The following SLC8A1 variants were observed in gnomAD, a reference collection of about 807,000 sequenced individuals.
SLC8A1 encodes the protein sodium/calcium exchanger 1.
A neutral mutation model predicts 68.3 loss-of-function variants in SLC8A1; 18 were observed. The ratio of observed to expected loss-of-function variants is 0.26; its 90% CI spans 0.18 to 0.39. The LOEUF (loss-of-function observed/expected upper bound fraction) is 0.39, where lower values mean the gene tolerates loss of function less well. Among genes scored for constraint, SLC8A1 ranks in the 10% least tolerant of loss-of-function variants. The probability of loss-of-function intolerance (pLI) is 1.00; values close to 1 mark genes in which losing one functional copy is unlikely to be tolerated. For synonymous variants in SLC8A1, 475 were observed against 415.5 expected, an observed-to-expected ratio of 1.14 and a Z score of -1.74; for missense variants, 985 against 1,156.7, an observed-to-expected ratio of 0.85 and a Z score of 2.15.
At chr2:40,463,732 G>A (rs113770295) in intron 1 of SLC8A1, among the ~76,000 whole-genome samples, 1,755 of 151,768 alleles carry the variant, frequency 0.012, 20 homozygotes, top group Non-Finnish European at 0.019. Context: ...GTGGAATCTT[G>A]TTCTTTTTTT....
chr2:40,477,662 T>C (rs577130744), intron 1 of SLC8A1, among the ~76,000 whole-genome samples: 1 of 152,302 alleles, frequency 6.6e-6, no homozygotes, highest in East Asian at 1.9e-4. Flanking sequence ...TGAGTAATTT[T>C]CCTTTAAGTT....
intron 2 of SLC8A1, among the ~76,000 whole-genome samples, chr2:40,289,418 A>G (rs2068891155): frequency 6.6e-6 from 1 of 152,176 alleles, no homozygotes; most frequent in Non-Finnish European, 1.5e-5. Flanking sequence ...AGAAACCTTA[A>G]CAACTTTCTT....
intron 4 of SLC8A1, among the ~76,000 whole-genome samples, chr2:40,168,838 T>C (rs1314808068): frequency 2.0e-5 from 3 of 152,194 alleles, no homozygotes; most frequent in Admixed American, 1.3e-4. Flanking sequence ...CTTTTAAAAT[T>C]CACCATATTT....
intron 2 of SLC8A1, among the ~76,000 whole-genome samples, chr2:40,392,348 C>T (rs942667802): frequency 6.6e-6 from 1 of 152,026 alleles, no homozygotes; most frequent in Non-Finnish European, 1.5e-5. Flanking sequence ...CTACCCGTTC[C>T]CACTAGGCAT....
chr2:40,485,311 TCTC>T (rs1237061114), intron 1 of SLC8A1, among the ~76,000 whole-genome samples: 1 of 152,192 alleles, frequency 6.6e-6, no homozygotes, highest in Non-Finnish European at 1.5e-5. Context: ...TTGTAGAACT[TCTC>T]CTAACAACAA....
intron 2 of SLC8A1, among the ~76,000 whole-genome samples, chr2:40,266,766 A>T (rs2065408945): frequency 6.6e-6 from 1 of 152,202 alleles, no homozygotes; most frequent in African/African-American, 2.4e-5. Flanking sequence ...GCTGATGACT[A>T]TGGACCACTA....
intron 2 of SLC8A1, among the ~76,000 whole-genome samples, chr2:40,234,925 C>A (rs1205861562): frequency 6.6e-6 from 1 of 152,082 alleles, no homozygotes; most frequent in Non-Finnish European, 1.5e-5. Context: ...TATATTGAAC[C>A]AGCCTTGCAT....
intron 2 of SLC8A1, among the ~76,000 whole-genome samples, chr2:40,249,054 T>TG (rs772214760): frequency 5.9e-5 from 9 of 152,212 alleles, no homozygotes; most frequent in Non-Finnish European, 1.0e-4. Flanking sequence ...CAACTGTCCC[T>TG]GGGTCCTTTG....
chr2:40,436,387 C>G (rs1441340271), intron 1 of SLC8A1, among the ~76,000 whole-genome samples: 1 of 152,112 alleles, frequency 6.6e-6, no homozygotes, highest in African/African-American at 2.4e-5. Flanking sequence ...CTAACATGAG[C>G]AGAGTTCAAA....
intron 2 of SLC8A1, among the ~76,000 whole-genome samples, chr2:40,240,597 A>T (rs1482712551): frequency 1.3e-5 from 2 of 152,250 alleles, no homozygotes. Flanking sequence ...ATTTATGAAC[A>T]CTTTTTTGTA....
At chr2:40,479,052 G>A (rs1045918786) in intron 1 of SLC8A1, among the ~76,000 whole-genome samples, 12 of 152,144 alleles carry the variant, frequency 7.9e-5, no homozygotes, top group African/African-American at 2.9e-4. Flanking sequence ...GATTACAGGC[G>A]TGAGCCACCA....
intron 7 of SLC8A1, chr2:40,122,996 A>G (rs2037260088): frequency 6.6e-6 from 1 of 152,344 alleles, no homozygotes; most frequent in Non-Finnish European, 1.5e-5. Flanking sequence ...AGGGAACACA[A>G]AACAGTGAAG....
At chr2:40,367,151 C>T (rs2149494584) in intron 2 of SLC8A1, among the ~76,000 whole-genome samples, 1 of 152,060 alleles carries the variant, frequency 6.6e-6, no homozygotes, top group East Asian at 1.9e-4. Context: ...GTGCTGATCC[C>T]CAAAGACAAG....
In SLC8A1 at chr2:40,273,308, G is replaced by A. The variant is rs533651099; in HGVS notation, c.1809-95453C>T. On this transcript the variant is annotated intron_variant, in intron 2 of 7. Transcript: ENST00000406785. Reference sequence around the variant, plus strand: ...GGGTTTCTTCATGTTGGTCAGGCTGGTCTCCAACTCCTGACCTTAGGTGAT... The same window carrying A: ...GGGTTTCTTCATGTTGGTCAGGCTGATCTCCAACTCCTGACCTTAGGTGAT... Among the ~76,000 whole-genome samples the A allele has an allele frequency of 5.3e-5, 8 of 151,326 alleles. No individual in the cohort carries two copies. In the South Asian group the frequency reaches 1.3e-3, roughly 24 times the overall value.
intron 2 of SLC8A1, among the ~76,000 whole-genome samples, chr2:40,253,033 ATG>A (rs2063142233): frequency 1.0e-5 from 1 of 95,246 alleles, no homozygotes. Context: ...GTATATACAT[ATG>A]TATCAGTATA....
chr2:40,279,183 G>A (rs886860928), intron 2 of SLC8A1, among the ~76,000 whole-genome samples: 1 of 152,202 alleles, frequency 6.6e-6, no homozygotes, highest in African/African-American at 2.4e-5. Context: ...GAATCCAGGA[G>A]CCGATCTGAT....
intron 1 of SLC8A1, among the ~76,000 whole-genome samples, chr2:40,495,174 C>A (rs1438381559): frequency 1.3e-5 from 2 of 151,868 alleles, no homozygotes; most frequent in African/African-American, 4.8e-5. Flanking sequence ...TTCATGATAA[C>A]AAAAATCATT....
At chr2:40,226,885 C>A (rs766636146) in intron 2 of SLC8A1, among the ~76,000 whole-genome samples, 13 of 152,066 alleles carry the variant, frequency 8.5e-5, no homozygotes, top group Non-Finnish European at 1.5e-4. Context: ...TGGCCTGGAG[C>A]TATAATAAAA....
chr2:40,180,231 C>CTTA (rs1553388844), intron 2 of SLC8A1, among the ~76,000 whole-genome samples: 6 of 151,696 alleles, frequency 4.0e-5, no homozygotes, highest in African/African-American at 1.5e-4. Flanking sequence ...AAATTTGCAT[C>CTTA]TTTAGTATAA....
Sources: gnomAD v4.1 joint callset for allele counts (sites outside exome capture counted in the v4.1 genomes callset) on GRCh38, gnomAD v4.1.1 for gene constraint, MANE v1.5 for transcripts, NCBI Gene and HGNC (gene_info 2026-07-23, HGNC 2026-07-21) for gene names.